ZNF713: variants seen among roughly 807,000 people sequenced by gnomAD.
The protein encoded by ZNF713 is zinc finger protein 713.
A neutral mutation model predicts 28.7 loss-of-function variants in ZNF713; 21 were observed. The ratio of observed to expected loss-of-function variants is 0.73; its 90% confidence interval spans 0.52 to 1.05. ZNF713 has a LOEUF of 1.05. Among genes scored for constraint, ZNF713 ranks in the 50% least tolerant of loss-of-function variants. The probability of loss-of-function intolerance (pLI) is 0.00; values close to 1 mark genes in which losing one functional copy is unlikely to be tolerated. For synonymous variants in ZNF713, 167 were observed against 178.0 expected (o/e 0.94, Z 0.49); for missense variants, 458 against 532.4 (o/e 0.86, Z 1.37).
chr7:55,933,488 G>C (rs1786283831), intron 6 of ZNF713, among the ~76,000 whole-genome samples: 1 of 151,838 alleles, frequency 6.6e-6, no homozygotes, highest in South Asian at 2.1e-4. Flanking sequence ...GTAGAGATGG[G>C]GTTTCACTAT....
chr7:55,921,270 A>G (rs1398860225), intron 4 of ZNF713, among the ~76,000 whole-genome samples: 2 of 152,238 alleles, frequency 1.3e-5, no homozygotes, highest in Non-Finnish European at 2.9e-5. Context: ...ATGTACAAGA[A>G]GACTAATGCT....
intron 1 of ZNF713, among the ~76,000 whole-genome samples, chr7:55,890,728 A>G (rs747477650): frequency 7.2e-5 from 11 of 152,004 alleles, no homozygotes; most frequent in Admixed American, 2.0e-4. Context: ...AGAATCAAAT[A>G]TTAAGGAGAG....
At chr7:55,932,909 A>AAAAAAAAAAAAAG (rs1554337804) in intron 6 of ZNF713, among the ~76,000 whole-genome samples, 2 of 145,518 alleles carry the variant, frequency 1.4e-5, no homozygotes, top group African/African-American at 5.2e-5. Context: ...AAAAAAAAAA[A>AAAAAAAAAAAAAG]AGAAGCTACA....
intron 4 of ZNF713, among the ~76,000 whole-genome samples, chr7:55,914,590 G>C (rs1364470497): frequency 1.3e-5 from 2 of 152,212 alleles, no homozygotes; most frequent in African/African-American, 4.8e-5. Flanking sequence ...AATACAACAG[G>C]TGCTGGGAGA....
At chr7:55,936,714 T>C (rs1262740782) in intron 6 of ZNF713, among the ~76,000 whole-genome samples, 1 of 152,056 alleles carries the variant, frequency 6.6e-6, no homozygotes, top group Non-Finnish European at 1.5e-5. Context: ...TGCCCCGCTT[T>C]GTTGGGGCAA....
At chr7:55,895,939 G>A (rs1363173837) in intron 1 of ZNF713, among the ~76,000 whole-genome samples, 1 of 152,108 alleles carries the variant, frequency 6.6e-6, no homozygotes, top group African/African-American at 2.4e-5. Context: ...ATGGAGCTGG[G>A]AATCCAACCC....
rs1785707001 is a variant in ZNF713, at chr7:55,907,716, T to A, written c.-456+1337T>A. ...ACAAGTGGGAATGTGAAGTCTTTGA[T>A]TTTCAGTTTCTGAGTTATTTCACTT... is the stretch of plus-strand genomic sequence containing the variant. On this transcript the variant is annotated intron_variant, in intron 2 of 6. Coordinates refer to ENST00000429591, the MANE Select transcript of ZNF713 (RefSeq NM_182633.3). Among the ~76,000 whole-genome samples, 4 of 152,334 alleles carry A rather than the reference T, an allele frequency of 2.6e-5. No homozygotes were observed. In the South Asian group the frequency reaches 8.3e-4, roughly 32 times the overall value.
chr7:55,915,172 C>A (rs1013845036), intron 4 of ZNF713, among the ~76,000 whole-genome samples: 1 of 152,200 alleles, frequency 6.6e-6, no homozygotes, highest in African/African-American at 2.4e-5. Flanking sequence ...TCCCCAAAGA[C>A]AGGAATAGAA....
At chr7:55,892,556 A>G (rs566549808) in intron 1 of ZNF713, among the ~76,000 whole-genome samples, 125 of 15,392 alleles carry the variant, frequency 8.1e-3, no homozygotes, top group Non-Finnish European at 0.012. Flanking sequence ...AGCACTGACC[A>G]AAAAAAAAAA....
intron 1 of ZNF713, among the ~76,000 whole-genome samples, 197 bp downstream of exon 1, chr7:55,887,877 C>A (rs1213442726): frequency 0.057 from 1,307 of 22,838 alleles, 487 homozygotes; most frequent in African/African-American, 0.32. Context: ...GCGGCGGCGG[C>A]GGCGGCGGCG....
At chr7:55,912,603 A>G (rs537915650) in intron 3 of ZNF713, 32 bp from the exon 4 acceptor site, 3 of 1,490,100 alleles carry the variant, frequency 2.0e-6, no homozygotes, top group South Asian at 1.2e-5. Context: ...CCTTCGTGTC[A>G]TATATTAACA....
chr7:55,927,789 C>T (rs757580226), intron 6 of ZNF713, among the ~76,000 whole-genome samples: 7 of 147,210 alleles, frequency 4.8e-5, no homozygotes, highest in African/African-American at 1.0e-4. Flanking sequence ...CCCAGCTACT[C>T]GGGAAGCTGA....
At chr7:55,906,023 A>G (rs1177382096) in intron 1 of ZNF713, among the ~76,000 whole-genome samples, 2 of 151,120 alleles carry the variant, frequency 1.3e-5, no homozygotes, top group African/African-American at 4.9e-5. Context: ...AATCACTTGA[A>G]CCTGGGAGGC....
intron 6 of ZNF713, 54 bp downstream of exon 6, chr7:55,923,753 G>A (rs2116240990): frequency 7.0e-7 from 1 of 1,424,276 alleles, no homozygotes; most frequent in South Asian, 1.2e-5. Flanking sequence ...AGCCACTTCT[G>A]AACCACTCAG....
intron 6 of ZNF713, among the ~76,000 whole-genome samples, chr7:55,927,106 C>T (rs1786111597): frequency 6.6e-6 from 1 of 152,262 alleles, no homozygotes; most frequent in African/African-American, 2.4e-5. Context: ...TGCACCACTG[C>T]ACTCCAGCCT....
At chr7:55,935,587 C>T (rs1164003516) in intron 6 of ZNF713, among the ~76,000 whole-genome samples, 3 of 152,142 alleles carry the variant, frequency 2.0e-5, no homozygotes, top group African/African-American at 7.2e-5. Context: ...TAGGAACCCT[C>T]ACCCACATCT....
Position 55,940,096 on chromosome 7 carries a change from G to A in ZNF713, c.*90G>A. On this transcript the variant is annotated 3_prime_UTR_variant, in exon 7 of 7. Transcript: ENST00000429591. ...CCCATTCAATATCAAATTATTCATA[G>A]TGGAGAGAAAGCTTATACATAAATT... 6.8e-7 allele frequency: 1 copy of A among 1,477,044 alleles called. No homozygotes were observed. The highest frequency in any genetic ancestry group is 8.9e-7 in the Non-Finnish European group (1 of 1,120,520). The allele number at this position is 1,477,044 out of a possible 1,614,324, so 91.5% of individuals were successfully genotyped here. A position where few individuals can be genotyped will look rare whatever the true frequency, so the allele number is the denominator to read the frequency against.
chr7:55,923,637 C>A lies in ZNF713; in HGVS notation c.245C>A (p.Ala82Glu). 6.2e-7 allele frequency: 1 copy of A among 1,610,300 alleles called. No homozygotes were observed. Among genetic ancestry groups the A allele is most frequent in the African/African-American group, 1.3e-5 (1 of 74,890 alleles). The change falls in exon 6 of 7, where the codon GCG becomes GAG. Residue 82 changes from alanine to glutamate, a missense_variant. Coordinates refer to ENST00000429591, the MANE Select transcript of ZNF713 (RefSeq NM_182633.3). Reference protein sequence around the residue: ...GYQLCKPEVIAQLELEEEWVI... With the variant: ...GYQLCKPEVIEQLELEEEWVI... The stretch of plus-strand genomic sequence containing the variant: ...CAGCTTTGTAAGCCAGAGGTAATCG[C>A]GCAGTTGGAGCTAGAGGAAGAATGG...
chr7:55,920,383 A>G (rs1181832528), intron 4 of ZNF713, among the ~76,000 whole-genome samples: 1 of 152,256 alleles, frequency 6.6e-6, no homozygotes, highest in Admixed American at 6.5e-5. Context: ...CACATGAATG[A>G]TAAGAAAGCA....
Sources: allele counts gnomAD v4.1 joint callset (sites outside exome capture counted in the v4.1 genomes callset), GRCh38; gene constraint gnomAD v4.1.1; transcripts MANE v1.5; gene names NCBI Gene and HGNC (gene_info 2026-07-23, HGNC 2026-07-21).